CACNA2D1: variants seen among roughly 807,000 people sequenced by gnomAD.
CACNA2D1 encodes voltage-dependent calcium channel subunit alpha-2/delta-1.
Under a neutral mutation model 171.5 loss-of-function variants are expected in CACNA2D1, and 53 were observed. The observed-to-expected ratio is 0.31, with a 90% confidence interval of 0.25 to 0.39. The LOEUF (loss-of-function observed/expected upper bound fraction) is 0.39. Among genes scored for constraint, CACNA2D1 ranks in the 10% least tolerant of loss-of-function variants. The pLI, the probability that CACNA2D1 is intolerant of heterozygous loss-of-function variation, is 1.00. For missense variants in CACNA2D1, 903 were observed against 1,299.8 expected, an observed-to-expected ratio of 0.69 and a Z score of 4.69; for synonymous variants, 442 against 443.1, an observed-to-expected ratio of 1.00 and a Z score of 0.03.
intron 6 of CACNA2D1, among the ~76,000 whole-genome samples, chr7:82,100,810 A>G (rs1812587806): frequency 3.4e-5 from 5 of 147,494 alleles, no homozygotes; most frequent in Admixed American, 2.8e-4. Flanking sequence ...ACCAAGATTG[A>G]TTTCCTGAAC....
At chr7:82,278,557 T>A (rs1473010526) in intron 3 of CACNA2D1, among the ~76,000 whole-genome samples, 1 of 107,772 alleles carries the variant, frequency 9.3e-6, no homozygotes, top group Non-Finnish European at 1.9e-5. Context: ...GACTCTGTCT[T>A]AAAAAAAAAA....
chr7:82,269,733 A>C (rs1203215854), intron 3 of CACNA2D1, among the ~76,000 whole-genome samples: 2 of 152,166 alleles, frequency 1.3e-5, no homozygotes, highest in Non-Finnish European at 2.9e-5. Flanking sequence ...TGAATGATTG[A>C]GGCATCAGCA....
intron 15 of CACNA2D1, chr7:82,009,099 C>A (rs1799450949): frequency 6.6e-6 from 1 of 152,036 alleles, no homozygotes; most frequent in Non-Finnish European, 1.5e-5. Flanking sequence ...GTACGGTTTC[C>A]CCCATGTTAT....
chr7:82,314,981 T>TCC (rs1563354278), intron 3 of CACNA2D1, among the ~76,000 whole-genome samples: 1 of 148,028 alleles, frequency 6.8e-6, no homozygotes, highest in Admixed American at 6.7e-5. Context: ...TTATCTTTTT[T>TCC]TTTTTTTTTT....
chr7:82,293,392 A>G (rs1321882548), intron 3 of CACNA2D1, among the ~76,000 whole-genome samples: 3 of 152,112 alleles, frequency 2.0e-5, no homozygotes, highest in African/African-American at 7.2e-5. Context: ...TAAGAGTAAG[A>G]CTTTGAAAAG....
chr7:82,205,662 C>T (rs1381300399), intron 3 of CACNA2D1, among the ~76,000 whole-genome samples: 1 of 152,148 alleles, frequency 6.6e-6, no homozygotes, highest in African/African-American at 2.4e-5. Flanking sequence ...AATGCAGATA[C>T]TGTAGCCCCA....
intron 6 of CACNA2D1, among the ~76,000 whole-genome samples, chr7:82,093,711 T>G (rs1811510727): frequency 6.6e-6 from 1 of 152,148 alleles, no homozygotes; most frequent in Non-Finnish European, 1.5e-5. Context: ...AATGCTGCAT[T>G]GAATACAGAA....
intron 1 of CACNA2D1, among the ~76,000 whole-genome samples, chr7:82,373,012 C>T (rs1822582217): frequency 6.6e-6 from 1 of 152,204 alleles, no homozygotes; most frequent in East Asian, 1.9e-4. Flanking sequence ...TGGTGAAACC[C>T]CATCTCTACT....
chr7:82,313,667 A>T (rs1267946026), intron 3 of CACNA2D1, among the ~76,000 whole-genome samples: 2 of 152,182 alleles, frequency 1.3e-5, no homozygotes, highest in African/African-American at 4.8e-5. Context: ...CATATTCTGT[A>T]TGACTTCTCT....
At chr7:82,065,500 G>T (rs1032926890) in intron 8 of CACNA2D1, among the ~76,000 whole-genome samples, 1 of 152,140 alleles carries the variant, frequency 6.6e-6, no homozygotes, top group African/African-American at 2.4e-5. Context: ...ACAGCCCCAT[G>T]GCTCCACAGG....
rs1271475686 is a variant in CACNA2D1 at position 81,967,168 on chromosome 7, C to T, written c.2502+1G>A. 4 of 1,602,768 alleles carry T rather than the reference C, an allele frequency of 2.5e-6. No individual in the cohort carries two copies. The highest frequency in any genetic ancestry group is 2.6e-6 in the Non-Finnish European group (3 of 1,171,402). On this transcript the variant is annotated splice_donor_variant, in intron 31 of 38. Coordinates refer to ENST00000356860, the MANE Select transcript of CACNA2D1 (RefSeq NM_000722.4). LOFTEE classifies it high-confidence loss of function. The stretch of plus-strand genomic sequence containing the variant: ...AAAGTGATTTTAAATAGTTTTCTTA[C>T]GTCACTGTTTCTTTTGCAGTCACAA...
At chr7:82,390,892 T>C (rs1825047693) in intron 1 of CACNA2D1, among the ~76,000 whole-genome samples, 1 of 152,216 alleles carries the variant, frequency 6.6e-6, no homozygotes. Context: ...TTTCATGATA[T>C]AGTAGCTCCA....
chr7:82,317,005 A>G (rs1390744351), intron 3 of CACNA2D1, among the ~76,000 whole-genome samples: 3 of 152,156 alleles, frequency 2.0e-5, no homozygotes, highest in African/African-American at 7.2e-5. Flanking sequence ...CACTCTTAAC[A>G]CTAGAAAGTA....
intron 14 of CACNA2D1, 71 bp from the exon 15 acceptor site, chr7:82,012,314 G>C: frequency 1.2e-6 from 1 of 813,098 alleles, no homozygotes; most frequent in East Asian, 2.5e-5. Flanking sequence ...AAATTACAGA[G>C]AAAAAATATT....
At chr7:82,411,605 CAAGAATCTA>C (rs562349005) in intron 1 of CACNA2D1, among the ~76,000 whole-genome samples, 96 of 152,042 alleles carry the variant, frequency 6.3e-4, no homozygotes, top group African/African-American at 2.2e-3. Flanking sequence ...TATGTACATC[CAAGAATCTA>C]AAACCTCAAA....
At chr7:82,427,063 T>C (rs988754268) in intron 1 of CACNA2D1, among the ~76,000 whole-genome samples, 1 of 152,198 alleles carries the variant, frequency 6.6e-6, no homozygotes, top group Non-Finnish European at 1.5e-5. Context: ...ATCAGTAATA[T>C]ACGCAGTTTC....
chr7:82,424,781 G>T, intron 1 of CACNA2D1, among the ~76,000 whole-genome samples: 1 of 152,186 alleles, frequency 6.6e-6, no homozygotes, highest in East Asian at 1.9e-4. Flanking sequence ...TTATAGGATG[G>T]ATCAGAACTA....
chr7:81,962,156 T>C, intron 35 of CACNA2D1, 133 bp from the exon 36 acceptor site: 1 of 784,496 alleles, frequency 1.3e-6, no homozygotes, highest in East Asian at 2.5e-5. Context: ...CTGGCTTGTT[T>C]ACTGCTGTGT....
chr7:82,281,043 CAAGGA>C, intron 3 of CACNA2D1, among the ~76,000 whole-genome samples: 1 of 152,288 alleles, frequency 6.6e-6, no homozygotes, highest in African/African-American at 2.4e-5. Flanking sequence ...AACTGGAGAA[CAAGGA>C]AGTCCAGATG....
Sources: allele counts gnomAD v4.1 joint callset (sites outside exome capture counted in the v4.1 genomes callset), GRCh38; gene constraint gnomAD v4.1.1; transcripts MANE v1.5; gene names NCBI Gene and HGNC (gene_info 2026-07-23, HGNC 2026-07-21).